The following CEP41 variants were observed in gnomAD, a reference collection of about 807,000 sequenced individuals.
CEP41 encodes the protein centrosomal protein of 41 kDa.
Under a neutral mutation model 44.3 loss-of-function variants are expected in CEP41, and 32 were observed. That is an observed-to-expected ratio of 0.72 (90% CI 0.54 to 0.97). The LOEUF (loss-of-function observed/expected upper bound fraction) is 0.97, where lower values mean the gene tolerates loss of function less well. Among genes scored for constraint, CEP41 ranks in the 50% least tolerant of loss-of-function variants. The pLI, the probability that CEP41 is intolerant of heterozygous loss-of-function variation, is 0.00. For synonymous variants in CEP41, 151 were observed against 168.5 expected (o/e 0.90, Z 0.80); for missense variants, 432 against 455.2 (o/e 0.95, Z 0.46).
intron 1 of CEP41, among the ~76,000 whole-genome samples, chr7:130,438,082 T>C (rs1274226201): frequency 6.6e-6 from 1 of 152,176 alleles, no homozygotes; most frequent in Non-Finnish European, 1.5e-5. Context: ...CTCCTTTTCG[T>C]TCTCCCATAT....
rs1399194688 is a variant in CEP41, at chr7:130,397,345, G to A, written c.*1546C>T. 12 of 454,196 alleles carry A rather than the reference G, an allele frequency of 2.6e-5. No homozygotes were observed. Among genetic ancestry groups the A allele is most frequent in the East Asian group, 2.1e-4 (3 of 14,408 alleles). 28.1% of individuals were successfully genotyped at this position (454,196 alleles called of 1,614,324 possible). A position where few individuals can be genotyped will look rare whatever the true frequency, so the allele number is the denominator to read the frequency against. ...TGGTTTGTTTGATTTCTAAAGCATC[G>A]GAAAATGTTGCACTTTGGAAATCAA... On this transcript the variant is annotated 3_prime_UTR_variant, in exon 11 of 11. Coordinates refer to ENST00000223208, the MANE Select transcript of CEP41 (RefSeq NM_018718.3).
Position 130,398,908 on chromosome 7 carries a change from C to T in CEP41, c.1105G>A (p.Gly369Ser). The change falls in exon 11 of 11, where the codon GGC becomes AGC. Residue 369 changes from glycine to serine, a missense_variant. Transcript: ENST00000223208. ...CAAAGTCTTTACTTCCAGGGTTTGC[C>T]TTGCAGGTGACCACTGCTGAGGGAG... ...PRSLSSGHLQGKPWK is the reference protein window; with the variant it reads ...PRSLSSGHLQSKPWK 6.2e-7 allele frequency: 1 copy of T among 1,614,212 alleles called. No individual in the cohort carries two copies. Among genetic ancestry groups the T allele is most frequent in the Non-Finnish European group, 8.5e-7 (1 of 1,180,038 alleles).
rs1554416041 is a variant in CEP41 at position 130,398,848 on chromosome 7, G to C, written c.*43C>G. On this transcript the variant is annotated 3_prime_UTR_variant, in exon 11 of 11. Coordinates refer to ENST00000223208, the MANE Select transcript of CEP41 (RefSeq NM_018718.3). ...AACTTGGGAAATGCTCAGGGGTTCT[G>C]AAAAGAGGAAGAACATTTATTTGCC... 1.2e-6 allele frequency: 2 copies of C among 1,611,682 alleles called. No homozygotes were observed. The highest frequency in any genetic ancestry group is 1.7e-5 in the Admixed American group (1 of 60,034).
At chr7:130,409,015 G>A (rs1797095415) in intron 5 of CEP41, among the ~76,000 whole-genome samples, 5 of 152,284 alleles carry the variant, frequency 3.3e-5, no homozygotes, top group South Asian at 4.1e-4. Flanking sequence ...GGGTTAGAGA[G>A]GAGGAAAGCG....
rs1472843598 is a variant in CEP41 at position 130,422,754 on chromosome 7, C to T, written c.97+5201G>A. On this transcript the variant is annotated intron_variant, in intron 2 of 10. Coordinates refer to ENST00000223208, the MANE Select transcript of CEP41 (RefSeq NM_018718.3). ...TGTGAGTTTTAAGCAATGAAACACA[C>T]TTTGGCCCTTCCAAAAGCTTTACAA... Among the ~76,000 whole-genome samples, 16 of 152,158 alleles carry T rather than the reference C, an allele frequency of 1.1e-4. 1 individual carries two copies. The highest frequency in any genetic ancestry group is 1.0e-3 in the Admixed American group (16 of 15,276).
At chr7:130,402,152 C>G (rs960347413) in intron 7 of CEP41, among the ~76,000 whole-genome samples, 3 of 151,838 alleles carry the variant, frequency 2.0e-5, no homozygotes, top group African/African-American at 7.3e-5. Flanking sequence ...GAGACCAGCC[C>G]GGGCAACATG....
At chr7:130,426,054 A>G (rs1447118067) in intron 2 of CEP41, among the ~76,000 whole-genome samples, 2 of 152,204 alleles carry the variant, frequency 1.3e-5, no homozygotes, top group Admixed American at 6.5e-5. Flanking sequence ...GGTGATGGAA[A>G]CGTTCTGTAT....
chr7:130,432,063 C>A (rs374206471), intron 1 of CEP41, among the ~76,000 whole-genome samples: 1 of 152,086 alleles, frequency 6.6e-6, no homozygotes, highest in African/African-American at 2.4e-5. Flanking sequence ...CCAGCCCAAA[C>A]GCCAATAGTG....
rs782388142 is a variant in CEP41 at position 130,398,801 on chromosome 7, C to A, written c.*90G>T. On this transcript the variant is annotated 3_prime_UTR_variant, in exon 11 of 11. Transcript: ENST00000223208. ...TACATATGTCATGGTCTTTCCTCTG[C>A]AGAAGTTTCTGGAAATGACCCAACT... 6.8e-6 allele frequency: 10 copies of A among 1,461,938 alleles called. No individual in the cohort carries two copies. Among genetic ancestry groups the A allele is most frequent in the African/African-American group, 1.4e-5 (1 of 71,932 alleles). The allele number at this position is 1,461,938 out of a possible 1,614,324, so 90.6% of individuals were successfully genotyped here.
chr7:130,412,140 A>T, intron 4 of CEP41, 39 bp downstream of exon 4: 1 of 1,118,326 alleles, frequency 8.9e-7, no homozygotes, highest in Non-Finnish European at 1.4e-6. Context: ...GGCACAAATT[A>T]GACAGACTTT....
chr7:130,417,113 G>C, intron 2 of CEP41, 147 bp from the exon 3 acceptor site: 3 of 1,429,926 alleles, frequency 2.1e-6, no homozygotes, highest in Middle Eastern at 2.5e-4. Context: ...GCCACACACA[G>C]TAAAATCTTT....
In CEP41 at chr7:130,398,508, G is replaced by A. The variant is rs143228459; in HGVS notation, c.*383C>T. 3.2e-4 allele frequency: 146 copies of A among 457,368 alleles called. No individual in the cohort carries two copies. Among genetic ancestry groups the A allele is most frequent in the African/African-American group, 2.7e-3 (134 of 50,166 alleles). The allele number at this position is 457,368 out of a possible 1,614,324, so 28.3% of individuals were successfully genotyped here. Reference sequence around the variant, plus strand: ...GAAAAGGTGGCAGGGACAGGCACACGGGCAGATGTGACTGAAGTATTTACA... The same window carrying A: ...GAAAAGGTGGCAGGGACAGGCACACAGGCAGATGTGACTGAAGTATTTACA... On this transcript the variant is annotated 3_prime_UTR_variant, in exon 11 of 11. Transcript: ENST00000223208.
At chr7:130,441,096 C>A (rs782205887), upstream of CEP41, 2 of 1,073,960 alleles carry the variant, frequency 1.9e-6, no homozygotes, top group South Asian at 2.6e-5. Context: ...CTTCCCCGGC[C>A]GGCCAATGGG....
Position 130,404,690 on chromosome 7 carries a change from G to A in CEP41, c.296C>T (p.Ser99Leu). The change falls in exon 6 of 11, where the codon TCA (serine) becomes TTA (leucine). Residue 99 changes from serine (S) to leucine (L), a missense_variant. Physicochemically the swap from Ser to Leu is moderately radical, Grantham distance 145 (BLOSUM62 -2). Coordinates refer to ENST00000223208, the MANE Select transcript of CEP41 (RefSeq NM_018718.3). Reference sequence around the variant, plus strand: ...GGCAGTGGTTTCAGCATCAGGGTCTGAAGCTGCAGAATCATTGTCTAATAT... The same window carrying A: ...GGCAGTGGTTTCAGCATCAGGGTCTAAAGCTGCAGAATCATTGTCTAATAT... ...QRLEDNDSAA[S>L]DPDAETTART... 1 of 1,611,500 alleles carries A rather than the reference G, an allele frequency of 6.2e-7. No homozygotes were observed. Among genetic ancestry groups the A allele is most frequent in the South Asian group, 1.1e-5 (1 of 91,030 alleles).
chr7:130,430,269 T>C (rs1444250038), intron 1 of CEP41, among the ~76,000 whole-genome samples: 8 of 152,114 alleles, frequency 5.3e-5, no homozygotes, highest in African/African-American at 1.9e-4. Flanking sequence ...TCTGCTATTT[T>C]AACATCTAAG....
In CEP41 at chr7:130,395,385, T is replaced by G. The variant is rs1554414090; in HGVS notation, c.*3506A>C. ...TGGGGAAAAAAAAGTATCGTGGGAG[T>G]TAAATCTTTGAAAGAATTGGGAAGA... On this transcript the variant is annotated 3_prime_UTR_variant, in exon 11 of 11. Coordinates refer to ENST00000223208, the MANE Select transcript of CEP41 (RefSeq NM_018718.3). 2.2e-6 allele frequency: 1 copy of G among 453,958 alleles called. No homozygotes were observed. The highest frequency in any genetic ancestry group is 2.4e-5 in the Admixed American group (1 of 42,552). The allele number at this position is 453,958 out of a possible 1,614,324, so 28.1% of individuals were successfully genotyped here. A position where few individuals can be genotyped will look rare whatever the true frequency, so the allele number is the denominator to read the frequency against.
chr7:130,415,161 T>C (rs941242390), intron 3 of CEP41, among the ~76,000 whole-genome samples: 5 of 152,200 alleles, frequency 3.3e-5, no homozygotes, highest in African/African-American at 1.2e-4. Flanking sequence ...TGAAATGCAT[T>C]ATTAGCAAAG....
At chr7:130,418,883 T>A (rs1482875228) in intron 2 of CEP41, among the ~76,000 whole-genome samples, 1 of 151,860 alleles carries the variant, frequency 6.6e-6, no homozygotes, top group Non-Finnish European at 1.5e-5. Flanking sequence ...AACACTGCAT[T>A]TCCAAACCAC....
rs1554414174 is a variant in CEP41, at chr7:130,395,629, C to T, written c.*3262G>A. ...ACCAAAACCAACACAAGAAAAATTA[C>T]CTACGTATTTCTTCCTAGCCTAGGA... On this transcript the variant is annotated 3_prime_UTR_variant, in exon 11 of 11. Transcript: ENST00000223208. The T allele has an allele frequency of 2.2e-6, 1 of 454,048 alleles. No homozygotes were observed. The highest frequency in any genetic ancestry group is 6.9e-5 in the East Asian group (1 of 14,400). The allele number at this position is 454,048 out of a possible 1,614,324, so 28.1% of individuals were successfully genotyped here. A position where few individuals can be genotyped will look rare whatever the true frequency, so the allele number is the denominator to read the frequency against.
Sources: allele counts gnomAD v4.1 joint callset (sites outside exome capture counted in the v4.1 genomes callset), GRCh38; gene constraint gnomAD v4.1.1; transcripts MANE v1.5; gene names NCBI Gene and HGNC (gene_info 2026-07-23, HGNC 2026-07-21).